The following KNG1 variants were observed in gnomAD, a reference collection of about 807,000 sequenced individuals.
KNG1 encodes the protein kininogen 1, also known as kininogen-1.
Under a neutral mutation model 47.8 loss-of-function variants are expected in KNG1, and 23 were observed. That is an observed-to-expected ratio of 0.48 (90% CI 0.35 to 0.68). The LOEUF (loss-of-function observed/expected upper bound fraction) is 0.68, where lower values mean the gene tolerates loss of function less well. Among genes scored for constraint, KNG1 ranks in the 30% least tolerant of loss-of-function variants. The pLI is 0.01. For missense variants in KNG1, 762 were observed against 790.2 expected, an observed-to-expected ratio of 0.96 and a Z score of 0.43; for synonymous variants, 277 against 277.0, an observed-to-expected ratio of 1.00 and a Z score of 0.00.
At chr3:186,720,029 C>A in intron 1 of KNG1, 76 bp from the exon 2 acceptor site, 1 of 896,910 alleles carries the variant, frequency 1.1e-6, no homozygotes, top group Non-Finnish European at 1.9e-6. Flanking sequence ...ATATTCCTAA[C>A]TTTACCGGAA....
chr3:186,738,879 T>C (rs1720733037), intron 7 of KNG1: 2 of 508,028 alleles, frequency 3.9e-6, no homozygotes, highest in Non-Finnish European at 7.0e-6. Context: ...TATAGCTTGC[T>C]TATTTCTTCC....
chr3:186,743,757 AG>A lies in KNG1; in HGVS notation c.*1427del. The A allele has an allele frequency of 6.2e-7, 1 of 1,614,182 alleles. No individual in the cohort carries two copies. The highest frequency in any genetic ancestry group is 1.1e-5 in the South Asian group (1 of 91,084). The stretch of plus-strand genomic sequence containing the variant: ...GGTCGACCCCCAAAGGCAGGGGCAG[AG>A]CCAGCATCTGAGAGGGAGGTCTCTT... On this transcript the variant is annotated 3_prime_UTR_variant, in exon 10 of 10. Transcript: ENST00000644859.
chr3:186,725,161 C>G lies in KNG1; in HGVS notation c.465C>G (p.Asp155Glu), dbSNP rs1315807957. The change falls in exon 4 of 10, where the codon GAC (aspartate) becomes GAG (glutamate). Residue 155 changes from aspartate (D) to glutamate (E), a missense_variant. Coordinates refer to ENST00000644859, the MANE Select transcript of KNG1 (RefSeq NM_001102416.3). ...ATCCTATATCAACGCAGAGCCCAGA[C>G]CTGGAGCCCATTCTGAGACACGGCA... is the stretch of plus-strand genomic sequence containing the variant. ...CVHPISTQSP[D>E]LEPILRHGIQ... is the part of the protein sequence containing the mutation. The G allele has an allele frequency of 1.9e-6, 3 of 1,614,158 alleles. No individual in the cohort carries two copies. The highest frequency in any genetic ancestry group is 2.5e-6 in the Non-Finnish European group (3 of 1,180,028).
In KNG1 at chr3:186,717,528, G is replaced by A; in HGVS notation, c.-15G>A. Reference sequence around the variant, plus strand: ...TGAAACCATCCCTCAGCTCCTAGAGGGAGATTGTTAGATCATGAAACTAAT... The same window carrying A: ...TGAAACCATCCCTCAGCTCCTAGAGAGAGATTGTTAGATCATGAAACTAAT... On this transcript the variant is annotated 5_prime_UTR_variant, in exon 1 of 10. Transcript: ENST00000644859. The A allele has an allele frequency of 6.3e-7, 1 of 1,592,172 alleles. No individual in the cohort carries two copies. Among genetic ancestry groups the A allele is most frequent in the Non-Finnish European group, 8.6e-7 (1 of 1,161,436 alleles).
chr3:186,722,333 T>G, intron 2 of KNG1, 104 bp from the exon 3 acceptor site: 1 of 878,864 alleles, frequency 1.1e-6, no homozygotes. Context: ...TTCACAAGTT[T>G]TGTTTTGTTT....
At chr3:186,725,918 GAA>G (rs59230183) in intron 4 of KNG1, among the ~76,000 whole-genome samples, 7 of 144,168 alleles carry the variant, frequency 4.9e-5, no homozygotes, top group Non-Finnish European at 1.1e-4. Context: ...CATATCATCA[GAA>G]AAAAAAAAGT....
chr3:186,733,527 T>C (rs567902448), intron 7 of KNG1, among the ~76,000 whole-genome samples: 7 of 152,250 alleles, frequency 4.6e-5, no homozygotes, highest in Non-Finnish European at 1.0e-4. Context: ...GCCCTATCAA[T>C]AGAAGACTGA....
rs902810376 is a variant in KNG1, at chr3:186,741,914, T to C, written c.1518T>C (p.His506=). 1 of 1,613,832 alleles carries C rather than the reference T, an allele frequency of 6.2e-7. No homozygotes were observed. Among genetic ancestry groups the C allele is most frequent in the Non-Finnish European group, 8.5e-7 (1 of 1,179,980 alleles). ...AGCATGGTCATGGCCACGGAAAACA[T>C]AAAAATAAAGGCAAAAAGAATGGAA... ...KHKHGHGHGK[H]KNKGKKNGKH... Residue 506 remains histidine (H), a synonymous_variant, in exon 10 of 10, where the codon CAT becomes CAC. Transcript: ENST00000644859.
chr3:186,720,828 C>T (rs1490502593), intron 2 of KNG1, among the ~76,000 whole-genome samples: 1 of 118,218 alleles, frequency 8.5e-6, no homozygotes, highest in Non-Finnish European at 1.6e-5. Context: ...CTCGCTCTGT[C>T]GCTCAGGCTG....
At position 186,742,529 on chromosome 3, in the gene KNG1, A is replaced by G; in HGVS notation, c.*198A>G. The G allele has an allele frequency of 7.1e-7, 1 of 1,414,052 alleles. No individual in the cohort carries two copies. Among genetic ancestry groups the G allele is most frequent in the South Asian group, 1.6e-5 (1 of 63,926 alleles). The allele number at this position is 1,414,052 out of a possible 1,614,324, so 87.6% of individuals were successfully genotyped here. On this transcript the variant is annotated 3_prime_UTR_variant, in exon 10 of 10. Coordinates refer to ENST00000644859, the MANE Select transcript of KNG1 (RefSeq NM_001102416.3). The stretch of plus-strand genomic sequence containing the variant: ...GCATAAAATTGTGTGCCACAATTCT[A>G]ACTCTTTTCTGAATCTTCTTCCCAA...
intron 7 of KNG1, chr3:186,734,927 A>G (rs822364): frequency 0.37 from 56,646 of 151,886 alleles, 10,669 homozygotes; most frequent in South Asian, 0.48. Context: ...AATTTTCTGT[A>G]TTACTTTTGT....
intron 2 of KNG1, chr3:186,720,585 C>A: frequency 3.2e-6 from 1 of 315,488 alleles, no homozygotes; most frequent in Non-Finnish European, 6.1e-6. Context: ...ACTCTGCCTT[C>A]CATTAGCTGT....
chr3:186,731,634 G>T lies in KNG1; in HGVS notation c.757+5G>T. The T allele has an allele frequency of 6.4e-7, 1 of 1,563,132 alleles. No individual in the cohort carries two copies. On this transcript the variant is annotated splice_donor_5th_base_variant and intron_variant, in intron 6 of 9. Transcript: ENST00000644859. ...AGAACTGTGACATTTATCCAGGTAA[G>T]GAATAACACATGTTGGCACCGCAAT...
At chr3:186,740,080 C>G (rs553728484) in intron 9 of KNG1, among the ~76,000 whole-genome samples, 65 of 151,864 alleles carry the variant, frequency 4.3e-4, no homozygotes, top group Middle Eastern at 3.4e-3. Flanking sequence ...AAAATTCAGA[C>G]TCGCAAACCC....
At chr3:186,729,915 G>A (rs558548386) in intron 5 of KNG1, among the ~76,000 whole-genome samples, 34 of 152,090 alleles carry the variant, frequency 2.2e-4, no homozygotes, top group South Asian at 1.9e-3. Flanking sequence ...CAGGTGATCC[G>A]CCTGCCTCAG....
At chr3:186,739,281 C>A in intron 8 of KNG1, 47 bp from the exon 9 acceptor site, 1 of 1,577,006 alleles carries the variant, frequency 6.3e-7, no homozygotes, top group South Asian at 1.1e-5. Flanking sequence ...GTTTAAATGT[C>A]TCGTGAATAA....
chr3:186,732,617 A>G lies in KNG1; in HGVS notation c.873A>G (p.Ala291=). 6.2e-7 allele frequency: 1 copy of G among 1,614,154 alleles called. No homozygotes were observed. The change falls in exon 7 of 10, where the codon GCA becomes GCG. Residue 291 remains alanine, a synonymous_variant. Coordinates refer to ENST00000644859, the MANE Select transcript of KNG1 (RefSeq NM_001102416.3). The part of the protein sequence containing the change: ...TLTHTITKLN[A]ENNATFYFKI... Reference sequence around the variant, plus strand: ...CTCACACCATCACAAAGCTTAATGCAGAGAATAACGCAACTTTCTATTTCA... The same window carrying G: ...CTCACACCATCACAAAGCTTAATGCGGAGAATAACGCAACTTTCTATTTCA...
In KNG1 at chr3:186,732,795, C is replaced by T. The variant is rs116740307; in HGVS notation, c.930+121C>T. 399 of 825,962 alleles carry T rather than the reference C, an allele frequency of 4.8e-4. 1 individual carries two copies. The African/African-American group carries it at 5.9e-3, about 12-fold the overall frequency. 51.2% of individuals were successfully genotyped at this position (825,962 alleles called of 1,614,324 possible). A position where few individuals can be genotyped will look rare whatever the true frequency, so the allele number is the denominator to read the frequency against. ...ATACATTTGATAATGTGATTTGGTGCATTAGATTTGGTAAATTAAGTGCCA... is the reference window on the plus strand; with the variant it reads ...ATACATTTGATAATGTGATTTGGTGTATTAGATTTGGTAAATTAAGTGCCA... On this transcript the variant is annotated intron_variant, in intron 7 of 9. Transcript: ENST00000644859.
chr3:186,729,496 T>C (rs886939810), intron 5 of KNG1, among the ~76,000 whole-genome samples: 8 of 152,190 alleles, frequency 5.3e-5, no homozygotes, highest in Admixed American at 2.6e-4. Context: ...CTGTTCACCC[T>C]TTAAAAAGAA....
Sources: allele counts gnomAD v4.1 joint callset (sites outside exome capture counted in the v4.1 genomes callset), GRCh38; gene constraint gnomAD v4.1.1; transcripts MANE v1.5; gene names NCBI Gene and HGNC (gene_info 2026-07-23, HGNC 2026-07-21).